Variants in PXT1 observed in about 807,000 individuals in gnomAD.
The protein encoded by PXT1 is peroxisomal testis-specific protein 1.
Under a neutral mutation model 11.0 loss-of-function variants are expected in PXT1, and 11 were observed. That is an observed-to-expected ratio of 1.00 (90% CI 0.63 to 1.66). The LOEUF (loss-of-function observed/expected upper bound fraction) is 1.66. Among genes scored for constraint, PXT1 ranks in the 40% most tolerant of loss-of-function variants. PXT1 has a pLI of 0.00. For missense variants in PXT1, 141 were observed against 155.5 expected, an observed-to-expected ratio of 0.91 and a Z score of 0.49; for synonymous variants, 43 against 51.4, an observed-to-expected ratio of 0.84 and a Z score of 0.70.
intron 3 of PXT1, among the ~76,000 whole-genome samples, chr6:36,421,033 C>T (rs1246310222): frequency 6.8e-5 from 10 of 146,050 alleles, no homozygotes; most frequent in Admixed American, 1.4e-4. Flanking sequence ...CCAGCTTGGG[C>T]GACAGATAGA....
chr6:36,426,402 C>CTTTTTTTTTTTTTTT (rs1554154251), intron 2 of PXT1, among the ~76,000 whole-genome samples: 1 of 83,398 alleles, frequency 1.2e-5, no homozygotes. Flanking sequence ...CGAAGTTTTG[C>CTTTTTTTTTTTTTTT]TCTTGTTGCC....
intron 3 of PXT1, among the ~76,000 whole-genome samples, chr6:36,412,793 T>C (rs1774392818): frequency 6.6e-6 from 1 of 151,604 alleles, no homozygotes; most frequent in Non-Finnish European, 1.5e-5. Context: ...AATATTACAT[T>C]CATAAAACAA....
Position 36,439,482 on chromosome 6 carries a change from G to A in PXT1, c.-129-596C>T, listed in dbSNP as rs189151627. 7.6e-4 allele frequency among the ~76,000 whole-genome samples: 116 copies of A among 151,634 alleles called. 1 individual carries two copies. Among genetic ancestry groups the A allele is most frequent in the African/African-American group, 2.7e-3 (110 of 41,402 alleles). ...AAAAAAATTAGCTGGGCATAATGGC[G>A]CATGCCTGTAATCCCAGTTACTTGG... On this transcript the variant is annotated intron_variant, in intron 1 of 4. Coordinates refer to ENST00000454782, the MANE Select transcript of PXT1 (RefSeq NM_152990.4).
At chr6:36,437,820 CTTT>C (rs375905408) in intron 2 of PXT1, among the ~76,000 whole-genome samples, 1 of 79,444 alleles carries the variant, frequency 1.3e-5, no homozygotes, top group Admixed American at 1.7e-4. Context: ...CCAGCCACTG[CTTT>C]TTTTTTTTTT....
At chr6:36,414,290 C>G (rs1485281003) in intron 3 of PXT1, among the ~76,000 whole-genome samples, 1 of 152,018 alleles carries the variant, frequency 6.6e-6, no homozygotes, top group Non-Finnish European at 1.5e-5. Flanking sequence ...AAGGGAAGTT[C>G]CCAGTGGAAA....
chr6:36,424,186 TTGTGAGTATACTAAAACCCTC>T (rs1249473553), intron 3 of PXT1, among the ~76,000 whole-genome samples: 1 of 152,142 alleles, frequency 6.6e-6, no homozygotes, highest in African/African-American at 2.4e-5. Context: ...TTGCACAACG[TTGTGAGTATACTAAAACCCTC>T]TGTCCGTACA....
Position 36,430,580 on chromosome 6 carries a change from C to T in PXT1, c.-9-4489G>A, listed in dbSNP as rs75341056. ...AGGAATGCAGGCAGCCTCTAGAAGC[C>T]GAAAAAGATAAGGAGATGGATTCTC... On this transcript the variant is annotated intron_variant, in intron 2 of 4. Coordinates refer to ENST00000454782, the MANE Select transcript of PXT1 (RefSeq NM_152990.4). Among the ~76,000 whole-genome samples the T allele has an allele frequency of 8.6e-3, 1,315 of 152,034 alleles. 21 individuals carry two copies. The highest frequency in any genetic ancestry group is 0.03 in the African/African-American group (1,251 of 41,470).
At chr6:36,419,517 G>A (rs1774494216) in intron 3 of PXT1, among the ~76,000 whole-genome samples, 1 of 152,126 alleles carries the variant, frequency 6.6e-6, no homozygotes, top group Non-Finnish European at 1.5e-5. Flanking sequence ...TACGCCAAAA[G>A]CAAAAGCATG....
rs1742757 is a variant in PXT1, at chr6:36,429,132, T to A, written c.-9-3041A>T. ...AAAATACACAAATTAGCCTAGTGGT[T>A]GCGCACACCTGTAATCCCAGCTACT... On this transcript the variant is annotated intron_variant, in intron 2 of 4. Coordinates refer to ENST00000454782, the MANE Select transcript of PXT1 (RefSeq NM_152990.4). Among the ~76,000 whole-genome samples, 4 of 145,876 alleles carry A rather than the reference T, an allele frequency of 2.7e-5. No homozygotes were observed. The Admixed American group carries it at 2.8e-4, about 10-fold the overall frequency.
rs1245435071 is a variant in PXT1, at chr6:36,391,801, A to G, written c.374T>C (p.Leu125Pro). The G allele has an allele frequency of 6.2e-7, 1 of 1,613,616 alleles. No individual in the cohort carries two copies. The highest frequency in any genetic ancestry group is 1.3e-5 in the African/African-American group (1 of 74,894). Residue 125 changes from leucine to proline, a missense_variant, in exon 5 of 5, where the codon CTG becomes CCG. Physicochemically the swap from Leu to Pro is moderately conservative, Grantham distance 98. Coordinates refer to ENST00000454782, the MANE Select transcript of PXT1 (RefSeq NM_152990.4). ...FFFFRRVQVLLHFFWNNHLL is the reference protein window; with the variant it reads ...FFFFRRVQVLPHFFWNNHLL Reference sequence around the variant, plus strand: ...CAAATGGTTGTTCCAGAAAAAATGCAGCAACACCTGAACTCTTCTAAAGAA... The same window carrying G: ...CAAATGGTTGTTCCAGAAAAAATGCGGCAACACCTGAACTCTTCTAAAGAA...
chr6:36,433,795 C>G (rs1774726443), intron 2 of PXT1, among the ~76,000 whole-genome samples: 1 of 136,952 alleles, frequency 7.3e-6, no homozygotes. Context: ...TGCACTCCAG[C>G]CTGGGTGACA....
intron 3 of PXT1, among the ~76,000 whole-genome samples, chr6:36,402,711 T>C (rs1356380381): frequency 6.6e-6 from 1 of 152,116 alleles, no homozygotes; most frequent in Non-Finnish European, 1.5e-5. Context: ...AGGGAGGTTT[T>C]ATGCATAAAC....
At chr6:36,400,895 A>C (rs1310415758) in intron 3 of PXT1, among the ~76,000 whole-genome samples, 12 of 152,074 alleles carry the variant, frequency 7.9e-5, no homozygotes, top group Admixed American at 7.9e-4. Context: ...ACCTGAACCC[A>C]GGAGGCAGAG....
chr6:36,426,674 CTCTTT>C (rs923798402), intron 2 of PXT1, among the ~76,000 whole-genome samples: 11 of 152,256 alleles, frequency 7.2e-5, no homozygotes, highest in East Asian at 5.8e-4. Context: ...CTGGCCTCTT[CTCTTT>C]TCAAGAGCCA....
intron 3 of PXT1, among the ~76,000 whole-genome samples, chr6:36,413,713 G>A (rs1030211771): frequency 4.0e-5 from 6 of 151,738 alleles, no homozygotes; most frequent in Admixed American, 2.6e-4. Flanking sequence ...TGTGAGAGGC[G>A]GGGCCAGGCA....
rs781536416 is a variant in PXT1 at position 36,400,484 on chromosome 6, C to T, written c.270G>A (p.Gly90=). Reference sequence around the variant, plus strand: ...GAACCATCCTATGATCAATGTTGTCCCCAATGTGTCTCAGCTGCATGGCCA... The same window carrying T: ...GAACCATCCTATGATCAATGTTGTCTCCAATGTGTCTCAGCTGCATGGCCA... ...HKLAMQLRHI[G]DNIDHRMVRE... The change falls in exon 4 of 5, where the codon GGG becomes GGA. Residue 90 remains glycine, a synonymous_variant. Coordinates refer to ENST00000454782, the MANE Select transcript of PXT1 (RefSeq NM_152990.4). 14 of 1,613,908 alleles carry T rather than the reference C, an allele frequency of 8.7e-6. No individual in the cohort carries two copies. The highest frequency in any genetic ancestry group is 1.2e-5 in the Non-Finnish European group (14 of 1,179,882).
chr6:36,419,481 A>C (rs750839914), intron 3 of PXT1, among the ~76,000 whole-genome samples: 3 of 152,178 alleles, frequency 2.0e-5, no homozygotes, highest in Non-Finnish European at 4.4e-5. Flanking sequence ...GCAGAGGAGG[A>C]AGGAGACAGG....
At chr6:36,433,285 T>C (rs1774718269) in intron 2 of PXT1, among the ~76,000 whole-genome samples, 1 of 152,010 alleles carries the variant, frequency 6.6e-6, no homozygotes, top group South Asian at 2.1e-4. Context: ...AGAAACACTA[T>C]AAGAATAAAC....
chr6:36,417,591 C>CAAA (rs70975157), intron 3 of PXT1, among the ~76,000 whole-genome samples: 43,959 of 99,034 alleles, frequency 0.44, 9,712 homozygotes, highest in Non-Finnish European at 0.53. Flanking sequence ...TTCGTCTCTA[C>CAAA]AAAAAAAAAA....
Sources: allele counts gnomAD v4.1 joint callset (sites outside exome capture counted in the v4.1 genomes callset), GRCh38; gene constraint gnomAD v4.1.1; transcripts MANE v1.5; gene names NCBI Gene and HGNC (gene_info 2026-07-23, HGNC 2026-07-21).